The following NBEA variants were observed in gnomAD, a reference collection of about 807,000 sequenced individuals.
NBEA encodes lysosomal-trafficking regulator 2.
NBEA carries 44 observed loss-of-function variants against 343.4 expected under a neutral mutation model. The ratio of observed to expected loss-of-function variants is 0.13; its 90% CI spans 0.10 to 0.16. The LOEUF is 0.16. NBEA is among the 10% of genes least tolerant of loss of function. The pLI is 1.00. For missense variants in NBEA, 2,555 were observed against 3,631.3 expected (o/e 0.70, Z 7.62); for synonymous variants, 1,175 against 1,238.7 (o/e 0.95, Z 1.08).
intron 39 of NBEA, among the ~76,000 whole-genome samples, chr13:35,436,784 A>G (rs80199209): frequency 0.044 from 6,707 of 152,190 alleles, 180 homozygotes; most frequent in African/African-American, 0.058. Flanking sequence ...ACTTTGGTCA[A>G]AAAATTTTAT....
At chr13:35,660,660 T>C (rs2085048674) in intron 55 of NBEA, among the ~76,000 whole-genome samples, 1 of 152,068 alleles carries the variant, frequency 6.6e-6, no homozygotes, top group Non-Finnish European at 1.5e-5. Context: ...ATCACATCCC[T>C]CTCTTTGTTG....
intron 17 of NBEA, among the ~76,000 whole-genome samples, chr13:35,137,765 A>G (rs893157752): frequency 8.5e-5 from 13 of 152,250 alleles, no homozygotes; most frequent in Middle Eastern, 3.4e-3. Flanking sequence ...ATGAATTTCT[A>G]TGTTGTATAT....
intron 41 of NBEA, among the ~76,000 whole-genome samples, chr13:35,516,818 A>T (rs952646633): frequency 1.3e-5 from 2 of 152,206 alleles, no homozygotes; most frequent in Non-Finnish European, 2.9e-5. Flanking sequence ...TGTATATATT[A>T]TCTAACTTAA....
intron 39 of NBEA, among the ~76,000 whole-genome samples, chr13:35,448,693 G>C (rs1180007156): frequency 6.6e-6 from 1 of 152,296 alleles, no homozygotes; most frequent in Admixed American, 6.5e-5. Flanking sequence ...CAGTAGCAGG[G>C]TTTACGAGGT....
intron 41 of NBEA, among the ~76,000 whole-genome samples, chr13:35,531,055 A>G (rs1425772951): frequency 6.6e-6 from 1 of 152,226 alleles, no homozygotes; most frequent in Non-Finnish European, 1.5e-5. Context: ...ATTTAGAAAT[A>G]TGCTTCTTTG....
At chr13:35,481,368 T>G (rs2076115160) in intron 41 of NBEA, among the ~76,000 whole-genome samples, 1 of 151,852 alleles carries the variant, frequency 6.6e-6, no homozygotes, top group Admixed American at 6.6e-5. Flanking sequence ...ATTTAAAGCC[T>G]GGCTTATTTT....
intron 41 of NBEA, among the ~76,000 whole-genome samples, chr13:35,540,315 A>T (rs2078763787): frequency 6.6e-6 from 1 of 152,190 alleles, no homozygotes; most frequent in African/African-American, 2.4e-5. Context: ...AGAATAATAC[A>T]TAGAGAAGTT....
At chr13:35,328,512 C>A (rs568700188) in intron 36 of NBEA, among the ~76,000 whole-genome samples, 2 of 151,722 alleles carry the variant, frequency 1.3e-5, no homozygotes, top group Non-Finnish European at 2.9e-5. Flanking sequence ...TTGGATTGTT[C>A]GTAACATAAA....
At chr13:35,397,602 T>G (rs985259506) in intron 38 of NBEA, among the ~76,000 whole-genome samples, 10 of 152,138 alleles carry the variant, frequency 6.6e-5, no homozygotes, top group African/African-American at 2.2e-4. Flanking sequence ...AGGTATATTT[T>G]TATTGAATAC....
chr13:35,434,199 A>G (rs1017656736), intron 39 of NBEA, among the ~76,000 whole-genome samples: 5 of 152,144 alleles, frequency 3.3e-5, no homozygotes, highest in Non-Finnish European at 7.4e-5. Context: ...AACAAAATTT[A>G]AAATCTTTGA....
At chr13:35,224,533 T>C in intron 33 of NBEA, among the ~76,000 whole-genome samples, 1 of 152,174 alleles carries the variant, frequency 6.6e-6, no homozygotes, top group East Asian at 1.9e-4. Context: ...CTTGGCTTCA[T>C]TGAGTCTTTT....
At chr13:35,567,107 T>G in intron 45 of NBEA, 90 bp downstream of exon 45, 1 of 610,302 alleles carries the variant, frequency 1.6e-6, no homozygotes, top group South Asian at 2.5e-5. Flanking sequence ...AGTTAATGTT[T>G]GTAAGAAGGT....
chr13:35,352,302 C>G lies in NBEA; in HGVS notation c.6158C>G (p.Ala2053Gly), dbSNP rs2040238053. The G allele has an allele frequency of 6.6e-7, 1 of 1,509,694 alleles. No homozygotes were observed. The allele number at this position is 1,509,694 out of a possible 1,614,324, so 93.5% of individuals were successfully genotyped here. Residue 2053 changes from alanine (A) to glycine (G), a missense_variant, in exon 38 of 59, where the codon GCT becomes GGT. Transcript: ENST00000379939. ...ILNILTNKHG[A>G]WGAVSHSQLH... ...AATATTCTCACAAATAAACATGGTG[C>G]TTGGGGAGCAGTTTCTCATAGGTGA... is the stretch of plus-strand genomic sequence containing the variant.
At chr13:35,309,171 A>G (rs1285608663) in intron 35 of NBEA, among the ~76,000 whole-genome samples, 2 of 152,138 alleles carry the variant, frequency 1.3e-5, no homozygotes, top group East Asian at 3.9e-4. Flanking sequence ...GAGGAGCTAA[A>G]GTTTTCTATC....
At chr13:35,452,339 A>C in intron 40 of NBEA, 104 bp downstream of exon 40, 1 of 804,804 alleles carries the variant, frequency 1.2e-6, no homozygotes, top group Non-Finnish European at 2.0e-6. Context: ...TGGTTGTAAC[A>C]ATGCTCAATC....
intron 38 of NBEA, among the ~76,000 whole-genome samples, chr13:35,364,455 A>T (rs182272048): frequency 6.6e-6 from 1 of 152,054 alleles, no homozygotes; most frequent in East Asian, 1.9e-4. Context: ...GAGATAGTTA[A>T]AGAAGGTAAG....
At chr13:35,372,835 G>A (rs1249611366) in intron 38 of NBEA, among the ~76,000 whole-genome samples, 4 of 152,082 alleles carry the variant, frequency 2.6e-5, no homozygotes, top group Non-Finnish European at 5.9e-5. Context: ...GGAAGCCCAA[G>A]GATGTAGAGA....
At chr13:35,124,540 A>G (rs778279849) in intron 17 of NBEA, among the ~76,000 whole-genome samples, 1 of 149,642 alleles carries the variant, frequency 6.7e-6, no homozygotes, top group Non-Finnish European at 1.5e-5. Context: ...ACACACATAT[A>G]TGGATATATA....
At chr13:35,218,032 G>A (rs1355880444) in intron 33 of NBEA, among the ~76,000 whole-genome samples, 1 of 151,892 alleles carries the variant, frequency 6.6e-6, no homozygotes, top group East Asian at 1.9e-4. Context: ...TCTCAGTCGT[G>A]TCAACTCAAA....
Sources: allele counts gnomAD v4.1 joint callset (sites outside exome capture counted in the v4.1 genomes callset), GRCh38; gene constraint gnomAD v4.1.1; transcripts MANE v1.5; gene names NCBI Gene and HGNC (gene_info 2026-07-23, HGNC 2026-07-21).